Variants in RICTOR observed in about 807,000 individuals in gnomAD.
RICTOR encodes RPTOR independent companion of MTOR complex 2.
In RICTOR, 49 loss-of-function variants were observed where a neutral mutation model predicts 214.9. The observed-to-expected ratio is 0.23, with a 90% confidence interval of 0.18 to 0.29. The LOEUF (loss-of-function observed/expected upper bound fraction) is 0.29. Among genes scored for constraint, RICTOR ranks in the 10% least tolerant of loss-of-function variants. The pLI is 1.00. For synonymous variants in RICTOR, 717 were observed against 711.3 expected (o/e 1.01, Z -0.13); for missense variants, 1,625 against 2,047.0 (o/e 0.79, Z 3.98).
chr5:38,949,002 CAT>C (rs1316941936), intron 31 of RICTOR, among the ~76,000 whole-genome samples: 1 of 152,004 alleles, frequency 6.6e-6, no homozygotes, highest in East Asian at 1.9e-4. Context: ...AAGTACCTGA[CAT>C]ATATTAATCC....
chr5:39,046,028 A>AAATAAATAAATAAAT (rs1757467685), intron 2 of RICTOR, among the ~76,000 whole-genome samples: 187 of 140,266 alleles, frequency 1.3e-3, no homozygotes, highest in Middle Eastern at 3.6e-3. Context: ...TCTGTCTTTA[A>AAATAAATAAATAAAT]AAATAAATAA....
intron 2 of RICTOR, among the ~76,000 whole-genome samples, chr5:39,022,741 T>C (rs575928673): frequency 6.6e-6 from 1 of 152,266 alleles, no homozygotes; most frequent in African/African-American, 2.4e-5. Flanking sequence ...AACTTAACCA[T>C]GAATGGCCTG....
At chr5:38,960,668 G>A (rs1312357219) in intron 19 of RICTOR, 135 bp from the exon 20 acceptor site, 15 of 852,602 alleles carry the variant, frequency 1.8e-5, no homozygotes, top group Non-Finnish European at 2.7e-5. Flanking sequence ...GGCAAGAAAT[G>A]TATTAAAAGT....
At chr5:38,943,217 T>C in intron 36 of RICTOR, 1 of 370,302 alleles carries the variant, frequency 2.7e-6, no homozygotes, top group Non-Finnish European at 4.9e-6. Context: ...ATTGAAGCAT[T>C]CTTTTTTATT....
intron 2 of RICTOR, among the ~76,000 whole-genome samples, chr5:39,041,601 T>TA (rs937004229): frequency 4.6e-5 from 7 of 152,030 alleles, no homozygotes; most frequent in African/African-American, 9.7e-5. Flanking sequence ...GGAAAAAAGA[T>TA]AGAGGGCAGA....
In RICTOR at chr5:39,039,302, T is replaced by G. The variant is rs973791433; in HGVS notation, c.98-18166A>C. 7.2e-5 allele frequency among the ~76,000 whole-genome samples: 11 copies of G among 152,208 alleles called. 1 individual carries two copies. The South Asian group carries it at 1.9e-3, about 26-fold the overall frequency. ...AACTGGATCCCTTCCTTACACCTTA[T>G]ACAAAAATTAATTCAACATGGATTA... On this transcript the variant is annotated intron_variant, in intron 2 of 37. Coordinates refer to ENST00000357387, the MANE Select transcript of RICTOR (RefSeq NM_152756.5).
rs764468812 is a variant in RICTOR at position 38,967,217 on chromosome 5, T to C, written c.1162A>G (p.Met388Val). ...AGTATCAGTGCCAAATAATTATCCA[T>C]GAGGTCTGGCCTGGAAAAAACAGCA... ...PHRARSRPDL[M>V]DNYLALILSA... is the part of the protein sequence containing the mutation. The change falls in exon 14 of 38, where the codon ATG (methionine) becomes GTG (valine). Residue 388 changes from methionine to valine, a missense_variant. Around this residue, in one of 5 missense-constraint regions of RICTOR, gnomAD observed 1,214 missense variants for 1,470.5 expected, o/e 0.83. Coordinates refer to ENST00000357387, the MANE Select transcript of RICTOR (RefSeq NM_152756.5). 2 of 1,612,818 alleles carry C rather than the reference T, an allele frequency of 1.2e-6. No homozygotes were observed. Among genetic ancestry groups the C allele is most frequent in the South Asian group, 1.1e-5 (1 of 91,068 alleles).
Position 38,941,694 on chromosome 5 carries a change from A to C in RICTOR, c.*610T>G, listed in dbSNP as rs1747589830. ...CTTTATGCAAGTCTAGTAACATAAA[A>C]ATAACTTATAAGTCCCGGGTTGTTG... On this transcript the variant is annotated 3_prime_UTR_variant, in exon 38 of 38. Transcript: ENST00000357387. 4.3e-6 allele frequency: 1 copy of C among 232,300 alleles called. No homozygotes were observed. The highest frequency in any genetic ancestry group is 8.5e-6 in the Non-Finnish European group (1 of 117,276). 14.4% of individuals were successfully genotyped at this position (232,300 alleles called of 1,614,324 possible).
chr5:39,040,110 A>G (rs551570974), intron 2 of RICTOR, among the ~76,000 whole-genome samples: 358 of 152,262 alleles, frequency 2.4e-3, no homozygotes, highest in Non-Finnish European at 4.3e-3. Flanking sequence ...AATGTGGCAC[A>G]TATATACCAT....
chr5:39,024,397 A>G (rs1350579063), intron 2 of RICTOR, among the ~76,000 whole-genome samples: 1 of 152,218 alleles, frequency 6.6e-6, no homozygotes, highest in Non-Finnish European at 1.5e-5. Context: ...GGGGCCATGA[A>G]TAGGTCACTG....
chr5:38,978,383 G>T (rs568213384), intron 9 of RICTOR, among the ~76,000 whole-genome samples, 200 bp downstream of exon 9: 2 of 152,092 alleles, frequency 1.3e-5, no homozygotes, highest in African/African-American at 4.8e-5. Context: ...TTGGAAATAA[G>T]AAATTAATCT....
In RICTOR at chr5:38,939,684, T is replaced by A; in HGVS notation, c.*2620A>T. ...GCACAACTGCCCAGATTCCTCCCAA[T>A]TATTCAATAATTACCAATAGTACAA... On this transcript the variant is annotated 3_prime_UTR_variant, in exon 38 of 38. Coordinates refer to ENST00000357387, the MANE Select transcript of RICTOR (RefSeq NM_152756.5). 4.3e-6 allele frequency: 1 copy of A among 230,664 alleles called. No individual in the cohort carries two copies. Among genetic ancestry groups the A allele is most frequent in the Non-Finnish European group, 8.6e-6 (1 of 116,528 alleles). 14.3% of individuals were successfully genotyped at this position (230,664 alleles called of 1,614,324 possible).
chr5:39,017,709 T>TA (rs1317994411), intron 3 of RICTOR, among the ~76,000 whole-genome samples: 1 of 152,124 alleles, frequency 6.6e-6, no homozygotes. Flanking sequence ...CAATACTACA[T>TA]AAAAAATTGT....
At position 38,967,974 on chromosome 5, in the gene RICTOR, A is replaced by G. The variant is rs2150033767; in HGVS notation, c.1029T>C (p.Thr343=). ...DIFRLPLPVV[T]EEFIEALLSV... ...TGAGTAGTGCTTCTATGAACTCCTC[A>G]GTCACAACAGGTAGAGGAAGACGAA... The change falls in exon 12 of 38, where the codon ACT becomes ACC. Residue 343 remains threonine (T), a synonymous_variant. Transcript: ENST00000357387. 1 of 1,603,604 alleles carries G rather than the reference A, an allele frequency of 6.2e-7. No homozygotes were observed. Among genetic ancestry groups the G allele is most frequent in the Non-Finnish European group, 8.5e-7 (1 of 1,170,710 alleles).
intron 14 of RICTOR, 139 bp downstream of exon 14, chr5:38,967,022 A>G: frequency 1.4e-6 from 1 of 721,046 alleles, no homozygotes; most frequent in Middle Eastern, 4.1e-4. Context: ...GCTGGTCTCG[A>G]ACTCCTGGCC....
chr5:39,022,686 C>T (rs1364193347), intron 2 of RICTOR: 5 of 152,288 alleles, frequency 3.3e-5, no homozygotes, highest in Non-Finnish European at 5.9e-5. Flanking sequence ...AAACTGCTTC[C>T]AAGAAATGAC....
chr5:38,949,464 G>A, intron 31 of RICTOR: 1 of 1,517,330 alleles, frequency 6.6e-7, no homozygotes, highest in Non-Finnish European at 8.9e-7. Flanking sequence ...AAAAGCTTGT[G>A]ACTTGTATGT....
chr5:38,948,956 T>A (rs1431327646), intron 31 of RICTOR, among the ~76,000 whole-genome samples: 4 of 152,070 alleles, frequency 2.6e-5, no homozygotes, highest in African/African-American at 9.7e-5. Flanking sequence ...GTGCTTAATA[T>A]GTGCTAAAGT....
At chr5:38,964,238 CT>C (rs1179564695) in intron 16 of RICTOR, among the ~76,000 whole-genome samples, 1 of 151,704 alleles carries the variant, frequency 6.6e-6, no homozygotes, top group Non-Finnish European at 1.5e-5. Context: ...CCATCATTAC[CT>C]TTTATATATA....
Sources: gnomAD v4.1 joint callset for allele counts (sites outside exome capture counted in the v4.1 genomes callset) on GRCh38, gnomAD v4.1.1 for gene constraint, gnomAD v4.1.1 regional missense constraint, MANE v1.5 for transcripts, NCBI Gene and HGNC (gene_info 2026-07-23, HGNC 2026-07-21) for gene names.